MTMR7: variants seen among roughly 807,000 people sequenced by gnomAD.
MTMR7 encodes phosphatidylinositol-3-phosphate phosphatase MTMR7.
Under a neutral mutation model 81.2 loss-of-function variants are expected in MTMR7, and 76 were observed. The observed-to-expected ratio is 0.94, with a 90% CI of 0.78 to 1.13. MTMR7 has a LOEUF of 1.13. Among genes scored for constraint, MTMR7 ranks in the 50% most tolerant of loss-of-function variants. The pLI is 0.00. For synonymous variants in MTMR7, 372 were observed against 289.8 expected (o/e 1.28, Z -2.88); for missense variants, 1,044 against 820.0 (o/e 1.27, Z -3.34).
chr8:17,306,696 C>T (rs1817476308), intron 10 of MTMR7, among the ~76,000 whole-genome samples: 1 of 152,106 alleles, frequency 6.6e-6, no homozygotes, highest in Non-Finnish European at 1.5e-5. Flanking sequence ...GAGATCATCA[C>T]CTTGAGGAAG....
At position 17,311,560 on chromosome 8, in the gene MTMR7, A is replaced by C; in HGVS notation, c.1052T>G (p.Val351Gly). 1 of 1,614,150 alleles carries C rather than the reference A, an allele frequency of 6.2e-7. No individual in the cohort carries two copies. Among genetic ancestry groups the C allele is most frequent in the East Asian group, 2.2e-5 (1 of 44,868 alleles). Residue 351 changes from valine to glycine, a missense_variant, in exon 9 of 14, where the codon GTG becomes GGG. Val to Gly is a moderately radical substitution (Grantham distance 109). Transcript: ENST00000180173. The stretch of plus-strand genomic sequence containing the variant: ...GTGAGGGTCCAGCAGCAGGCTTGCC[A>C]CCGAGCACACCTGAGCGGTCCTGTC... ...GWDRTAQVCS[V>G]ASLLLDPHYR...
chr8:17,386,721 AG>A (rs966989227), intron 1 of MTMR7, among the ~76,000 whole-genome samples: 4 of 152,176 alleles, frequency 2.6e-5, no homozygotes, highest in African/African-American at 9.7e-5. Context: ...CCCTTCTTGG[AG>A]CCCAAGCCAA....
At chr8:17,325,770 G>GA (rs112048754) in intron 7 of MTMR7, among the ~76,000 whole-genome samples, 26,878 of 152,140 alleles carry the variant, frequency 0.18, 3,454 homozygotes, top group African/African-American at 0.36. Context: ...AAACACTTCT[G>GA]AAACTGTGCT....
intron 4 of MTMR7, among the ~76,000 whole-genome samples, chr8:17,356,992 AAC>A (rs781105461): frequency 1.4e-4 from 22 of 152,230 alleles, no homozygotes; most frequent in Non-Finnish European, 3.1e-4. Flanking sequence ...CCTAAGTAGA[AAC>A]ACAATATACT....
intron 1 of MTMR7, among the ~76,000 whole-genome samples, chr8:17,391,964 G>C (rs939332632): frequency 6.6e-6 from 1 of 152,120 alleles, no homozygotes; most frequent in South Asian, 2.1e-4. Flanking sequence ...CCAGGGGAAA[G>C]GGCACTAGGA....
chr8:17,300,992 A>G (rs772679175), intron 13 of MTMR7, among the ~76,000 whole-genome samples: 1 of 152,228 alleles, frequency 6.6e-6, no homozygotes, highest in Non-Finnish European at 1.5e-5. Context: ...CATTACATGG[A>G]TATACCAGAT....
intron 4 of MTMR7, among the ~76,000 whole-genome samples, chr8:17,356,016 A>C (rs1819879337): frequency 6.6e-6 from 1 of 152,242 alleles, no homozygotes; most frequent in African/African-American, 2.4e-5. Context: ...AACTGCATCC[A>C]GTGGTGCTGG....
intron 5 of MTMR7, among the ~76,000 whole-genome samples, chr8:17,348,263 C>T (rs541653082): frequency 1.3e-5 from 2 of 152,090 alleles, no homozygotes; most frequent in African/African-American, 4.8e-5. Context: ...TAAGGCCGGG[C>T]ACAGTGGCTC....
intron 1 of MTMR7, among the ~76,000 whole-genome samples, chr8:17,384,414 AAAAT>A (rs958180856): frequency 6.6e-6 from 1 of 152,182 alleles, no homozygotes; most frequent in African/African-American, 2.4e-5. Context: ...CTAACTCTAA[AAAAT>A]AAATAAATAA....
chr8:17,356,658 G>C (rs1819898135), intron 4 of MTMR7, among the ~76,000 whole-genome samples: 1 of 152,112 alleles, frequency 6.6e-6, no homozygotes, highest in South Asian at 2.1e-4. Flanking sequence ...AGGTTACAGT[G>C]AGCTGAGATC....
At chr8:17,347,217 A>G (rs1819582075) in intron 5 of MTMR7, among the ~76,000 whole-genome samples, 1 of 151,876 alleles carries the variant, frequency 6.6e-6, no homozygotes, top group Admixed American at 6.6e-5. Context: ...AAAAAATCAC[A>G]TCTTCCTTTG....
At chr8:17,361,429 G>A (rs960414127) in intron 3 of MTMR7, among the ~76,000 whole-genome samples, 155 bp from the exon 4 acceptor site, 1 of 152,158 alleles carries the variant, frequency 6.6e-6, no homozygotes, top group Non-Finnish European at 1.5e-5. Context: ...GCAGTGGATA[G>A]GGTCCCCCAC....
rs772958662 is a variant in MTMR7, at chr8:17,373,251, C to T, written c.25-11G>A. 30 of 1,606,830 alleles carry T rather than the reference C, an allele frequency of 1.9e-5. No individual in the cohort carries two copies. The highest frequency in any genetic ancestry group is 1.9e-4 in the Admixed American group (11 of 59,296). On this transcript the variant is annotated splice_polypyrimidine_tract_variant and intron_variant, in intron 1 of 13. Transcript: ENST00000180173. Reference sequence around the variant, plus strand: ...GCGGACATTTTCAACCTAGAGAAATCGGCATGATGAAAAGAGTTACCGTAA... The same window carrying T: ...GCGGACATTTTCAACCTAGAGAAATTGGCATGATGAAAAGAGTTACCGTAA...
chr8:17,384,936 C>T (rs1250785024), intron 1 of MTMR7, among the ~76,000 whole-genome samples: 1 of 152,272 alleles, frequency 6.6e-6, no homozygotes, highest in South Asian at 2.1e-4. Flanking sequence ...ATATATGACA[C>T]ATAACCAGAA....
intron 1 of MTMR7, among the ~76,000 whole-genome samples, chr8:17,402,962 C>G (rs1263996641): frequency 1.3e-5 from 2 of 152,180 alleles, no homozygotes; most frequent in Non-Finnish European, 2.9e-5. Context: ...TACAGTATCT[C>G]ACTGTACTTT....
intron 1 of MTMR7, among the ~76,000 whole-genome samples, chr8:17,383,320 G>C (rs1013804515): frequency 2.0e-5 from 3 of 152,144 alleles, no homozygotes; most frequent in Admixed American, 1.3e-4. Context: ...GAGGGAGCAA[G>C]AGGAGGAAGG....
At chr8:17,354,220 G>A (rs1819818643) in intron 4 of MTMR7, among the ~76,000 whole-genome samples, 1 of 152,282 alleles carries the variant, frequency 6.6e-6, no homozygotes, top group African/African-American at 2.4e-5. Flanking sequence ...TGAACAGGGA[G>A]AAGGAGGAGG....
chr8:17,408,395 C>CAAAAAAAAAA (rs530240881), intron 1 of MTMR7, among the ~76,000 whole-genome samples: 649 of 23,464 alleles, frequency 0.028, 105 homozygotes, highest in East Asian at 0.18. Context: ...GACTCCGTCT[C>CAAAAAAAAAA]AAAAAAAAAA....
At chr8:17,363,314 GA>G (rs1820114802) in intron 3 of MTMR7, among the ~76,000 whole-genome samples, 1 of 152,236 alleles carries the variant, frequency 6.6e-6, no homozygotes, top group South Asian at 2.1e-4. Context: ...AATCTCTTGA[GA>G]AAGCCTCAGT....
Sources: gnomAD v4.1 joint callset for allele counts (sites outside exome capture counted in the v4.1 genomes callset) on GRCh38, gnomAD v4.1.1 for gene constraint, MANE v1.5 for transcripts, NCBI Gene and HGNC (gene_info 2026-07-23, HGNC 2026-07-21) for gene names.